ARHGAP26: variants seen among roughly 807,000 people sequenced by gnomAD.
ARHGAP26 encodes rho GTPase-activating protein 26.
A neutral mutation model predicts 104.8 loss-of-function variants in ARHGAP26; 38 were observed. The observed-to-expected ratio is 0.36, with a 90% CI of 0.28 to 0.48. ARHGAP26 has a LOEUF of 0.48. Among genes scored for constraint, ARHGAP26 ranks in the 20% least tolerant of loss-of-function variants. The probability of loss-of-function intolerance (pLI) is 0.99; values close to 1 mark genes in which losing one functional copy is unlikely to be tolerated. For missense variants in ARHGAP26, 704 were observed against 947.9 expected, an observed-to-expected ratio of 0.74 and a Z score of 3.38; for synonymous variants, 341 against 340.0, an observed-to-expected ratio of 1.00 and a Z score of -0.03.
chr5:142,879,481 G>A (rs374637673), intron 4 of ARHGAP26, 36 bp downstream of exon 4: 2 of 1,563,508 alleles, frequency 1.3e-6, no homozygotes, highest in Non-Finnish European at 1.7e-6. Context: ...GGATTTTAGG[G>A]TGAGAGGTCT....
At chr5:143,182,914 T>C (rs551595756) in intron 20 of ARHGAP26, among the ~76,000 whole-genome samples, 3 of 152,226 alleles carry the variant, frequency 2.0e-5, no homozygotes, top group African/African-American at 7.2e-5. Flanking sequence ...CTGTGTGACA[T>C]AGATCCTTTG....
intron 1 of ARHGAP26, among the ~76,000 whole-genome samples, chr5:142,808,711 C>T (rs1451914187): frequency 6.6e-6 from 1 of 152,050 alleles, no homozygotes; most frequent in African/African-American, 2.4e-5. Context: ...GGTCGAGCTG[C>T]CTAGAGCATG....
chr5:142,887,552 G>A (rs994843488), intron 5 of ARHGAP26, among the ~76,000 whole-genome samples: 2 of 152,150 alleles, frequency 1.3e-5, no homozygotes, highest in Non-Finnish European at 2.9e-5. Flanking sequence ...CTGTATTTCA[G>A]TGGATGTTTT....
chr5:143,018,893 A>G (rs1216093985), intron 12 of ARHGAP26, among the ~76,000 whole-genome samples: 3 of 152,202 alleles, frequency 2.0e-5, no homozygotes, highest in Non-Finnish European at 4.4e-5. Flanking sequence ...TTGCGAGTGC[A>G]TTGAATCATA....
In ARHGAP26 at chr5:142,891,262, A is replaced by T. The variant is rs556149818; in HGVS notation, c.487-2976A>T. On this transcript the variant is annotated intron_variant, in intron 5 of 22. Coordinates refer to ENST00000645722, the MANE Select transcript of ARHGAP26 (RefSeq NM_001135608.3). ...CAGGACCTTCTGAAACCTGTCTCCA[A>T]GTAAAGATTCATCAGTGCTCAGATA... Among the ~76,000 whole-genome samples, 8 of 152,044 alleles carry T rather than the reference A, an allele frequency of 5.3e-5. No homozygotes were observed. In the South Asian group the frequency reaches 1.5e-3, roughly 28 times the overall value.
intron 11 of ARHGAP26, among the ~76,000 whole-genome samples, chr5:143,012,837 G>T (rs1779085591): frequency 6.6e-6 from 1 of 151,176 alleles, no homozygotes; most frequent in African/African-American, 2.4e-5. Flanking sequence ...GTGTTTTTTA[G>T]TAGAGACGGA....
intron 5 of ARHGAP26, among the ~76,000 whole-genome samples, chr5:142,888,762 C>G (rs896806596): frequency 1.3e-5 from 2 of 152,210 alleles, no homozygotes; most frequent in Admixed American, 6.5e-5. Context: ...GTCATTGATT[C>G]AACAAATACT....
At chr5:143,105,577 G>A (rs1205910562) in intron 17 of ARHGAP26, among the ~76,000 whole-genome samples, 6 of 152,056 alleles carry the variant, frequency 3.9e-5, no homozygotes, top group African/African-American at 7.2e-5. Context: ...GTATGCATCC[G>A]GGTAGACGTT....
chr5:143,167,547 G>A (rs1243702092), intron 20 of ARHGAP26, among the ~76,000 whole-genome samples: 1 of 148,670 alleles, frequency 6.7e-6, no homozygotes, highest in African/African-American at 2.5e-5. Context: ...TAAGAATAGG[G>A]GCGCTCAAAT....
At chr5:142,989,296 A>T (rs1473022472) in intron 11 of ARHGAP26, among the ~76,000 whole-genome samples, 3 of 152,172 alleles carry the variant, frequency 2.0e-5, no homozygotes, top group Non-Finnish European at 4.4e-5. Context: ...CTGTTTTATC[A>T]GAGACTAGGA....
intron 1 of ARHGAP26, among the ~76,000 whole-genome samples, chr5:142,784,122 G>T (rs999249203): frequency 6.6e-6 from 1 of 152,234 alleles, no homozygotes; most frequent in Admixed American, 6.5e-5. Context: ...AGTGTGCAAG[G>T]TCAGCAGACT....
At chr5:143,080,777 A>G (rs1368563231) in intron 17 of ARHGAP26, among the ~76,000 whole-genome samples, 1 of 152,140 alleles carries the variant, frequency 6.6e-6, no homozygotes, top group African/African-American at 2.4e-5. Flanking sequence ...TGTGAATGGC[A>G]CAATCTGTGG....
At chr5:143,061,274 TA>T (rs1786665424) in intron 17 of ARHGAP26, among the ~76,000 whole-genome samples, 1 of 152,182 alleles carries the variant, frequency 6.6e-6, no homozygotes, top group Non-Finnish European at 1.5e-5. Context: ...CTTATAATCA[TA>T]GAGGAAATAA....
intron 17 of ARHGAP26, among the ~76,000 whole-genome samples, chr5:143,071,841 G>T (rs549909504): frequency 1.3e-5 from 2 of 152,258 alleles, no homozygotes; most frequent in Admixed American, 1.3e-4. Flanking sequence ...GGAGGGGGAG[G>T]TTGCAGTGAG....
intron 1 of ARHGAP26, among the ~76,000 whole-genome samples, chr5:142,847,166 G>T (rs1772145800): frequency 6.6e-6 from 1 of 152,172 alleles, no homozygotes; most frequent in Non-Finnish European, 1.5e-5. Context: ...GGGATTTTGA[G>T]AGTCAAATGA....
intron 17 of ARHGAP26, among the ~76,000 whole-genome samples, chr5:143,079,332 C>G (rs1789482166): frequency 6.6e-6 from 1 of 152,212 alleles, no homozygotes; most frequent in Non-Finnish European, 1.5e-5. Context: ...GAGCAGAAAC[C>G]TCCCCATTTT....
At chr5:143,029,070 AC>A (rs1209279158) in intron 12 of ARHGAP26, among the ~76,000 whole-genome samples, 2 of 152,252 alleles carry the variant, frequency 1.3e-5, no homozygotes, top group Non-Finnish European at 2.9e-5. Flanking sequence ...AGCCCTGGCA[AC>A]CCTGGGGCTT....
rs3756368 is a variant in ARHGAP26 at position 143,186,619 on chromosome 5, C to A, written c.1989-20579C>A. The stretch of plus-strand genomic sequence containing the variant: ...GGCTTACTGAAGTTTCATAAATGAG[C>A]CAGAGCTCAGGATTGACACCTCCAT... On this transcript the variant is annotated intron_variant, in intron 20 of 22. Coordinates refer to ENST00000645722, the MANE Select transcript of ARHGAP26 (RefSeq NM_001135608.3). 1.2e-3 allele frequency among the ~76,000 whole-genome samples: 178 copies of A among 152,312 alleles called. 5 individuals carry two copies. The East Asian group carries it at 0.031, about 26-fold the overall frequency.
rs1186018988 is a variant in ARHGAP26, at chr5:143,228,335, A to G, written c.*5889A>G. 2.2e-5 allele frequency: 5 copies of G among 224,318 alleles called. No individual in the cohort carries two copies. Among genetic ancestry groups the G allele is most frequent in the Admixed American group, 1.7e-4 (3 of 17,494 alleles). The allele number at this position is 224,318 out of a possible 1,614,324, so 13.9% of individuals were successfully genotyped here. ...ATGAGCTGGCACTTTCTGAGCCTTT[A>G]CAGCCTTTAAGACTCGGAGGTTGAG... On this transcript the variant is annotated 3_prime_UTR_variant, in exon 23 of 23. Transcript: ENST00000645722.
Sources: allele counts gnomAD v4.1 joint callset (sites outside exome capture counted in the v4.1 genomes callset), GRCh38; gene constraint gnomAD v4.1.1; transcripts MANE v1.5; gene names NCBI Gene and HGNC (gene_info 2026-07-23, HGNC 2026-07-21).